Variants in GALNT13 observed in about 807,000 individuals in gnomAD.
GALNT13 encodes UDP-GalNAc:polypeptide N-acetylgalactosaminyltransferase 13.
Under a neutral mutation model 64.2 loss-of-function variants are expected in GALNT13, and 28 were observed. That is an observed-to-expected ratio of 0.44 (90% CI 0.32 to 0.60). The LOEUF is 0.60. Among genes scored for constraint, GALNT13 ranks in the 20% least tolerant of loss-of-function variants. GALNT13 has a pLI of 0.05. For missense variants in GALNT13, 577 were observed against 669.8 expected (o/e 0.86, Z 1.53); for synonymous variants, 214 against 224.6 (o/e 0.95, Z 0.42).
At chr2:154,172,577 A>G (rs1157573368) in intron 4 of GALNT13, among the ~76,000 whole-genome samples, 2 of 152,000 alleles carry the variant, frequency 1.3e-5, no homozygotes, top group Admixed American at 6.6e-5. Context: ...TTCATTTAAC[A>G]TGACGTCAAG....
chr2:153,436,943 G>C, the GALNT13 span, among the ~76,000 whole-genome samples: 1 of 152,130 alleles, frequency 6.6e-6, no homozygotes. Context: ...GATCTTTCCT[G>C]CTTTCTCTTG....
the GALNT13 span, among the ~76,000 whole-genome samples, chr2:153,858,769 G>C: frequency 6.6e-6 from 1 of 151,958 alleles, no homozygotes; most frequent in African/African-American, 2.4e-5. Flanking sequence ...GCCTCGCTTT[G>C]TTGCCCAGGC....
the GALNT13 span, among the ~76,000 whole-genome samples, chr2:153,223,895 G>A: frequency 6.6e-6 from 1 of 152,092 alleles, no homozygotes; most frequent in Non-Finnish European, 1.5e-5. Flanking sequence ...ACTTGAACCT[G>A]GGAGGCAGAG....
chr2:153,387,116 A>G, the GALNT13 span, among the ~76,000 whole-genome samples: 8 of 152,152 alleles, frequency 5.3e-5, no homozygotes, highest in Non-Finnish European at 1.2e-4. Flanking sequence ...GTAAAAACAC[A>G]TATTGGAAAG....
At chr2:154,409,470 G>A in intron 11 of GALNT13, 1 of 220,036 alleles carries the variant, frequency 4.5e-6, no homozygotes, top group Non-Finnish European at 9.0e-6. Context: ...TTTTATGTAT[G>A]TTATGATTTT....
At chr2:154,051,316 C>A (rs1699597066) in intron 3 of GALNT13, among the ~76,000 whole-genome samples, 1 of 133,270 alleles carries the variant, frequency 7.5e-6, no homozygotes, top group African/African-American at 2.8e-5. Flanking sequence ...CGGAGTCTCG[C>A]TCTGTCGCCC....
intron 8 of GALNT13, among the ~76,000 whole-genome samples, chr2:154,265,893 G>A (rs546982424): frequency 9.2e-5 from 14 of 152,130 alleles, no homozygotes; most frequent in South Asian, 2.1e-4. Flanking sequence ...AAGTTTCTCC[G>A]TATGTCAAAT....
At chr2:153,091,476 G>A in the GALNT13 span, among the ~76,000 whole-genome samples, 3 of 152,208 alleles carry the variant, frequency 2.0e-5, no homozygotes, top group South Asian at 4.1e-4. Context: ...TTTCTTGCCT[G>A]TTTCACAGAA....
chr2:154,363,833 C>G (rs775480624), intron 9 of GALNT13, among the ~76,000 whole-genome samples: 1 of 152,140 alleles, frequency 6.6e-6, no homozygotes, highest in Non-Finnish European at 1.5e-5. Context: ...TGCTTTATCC[C>G]ATCTACAAAA....
At chr2:154,373,786 C>T (rs1697828765) in intron 9 of GALNT13, among the ~76,000 whole-genome samples, 1 of 152,168 alleles carries the variant, frequency 6.6e-6, no homozygotes, top group African/African-American at 2.4e-5. Flanking sequence ...CTTGTAATAG[C>T]CACTTAACAG....
chr2:154,187,514 C>T (rs146577165), intron 4 of GALNT13, among the ~76,000 whole-genome samples: 2,245 of 151,812 alleles, frequency 0.015, 29 homozygotes, highest in Non-Finnish European at 0.024. Flanking sequence ...ATGATGGTTT[C>T]GAAAATTTCC....
intron 2 of GALNT13, among the ~76,000 whole-genome samples, chr2:153,901,574 AGTG>A (rs1419691975): frequency 6.6e-6 from 1 of 151,988 alleles, no homozygotes; most frequent in Non-Finnish European, 1.5e-5. Flanking sequence ...GGTTACTGTG[AGTG>A]GGATTGTGTT....
the GALNT13 span, among the ~76,000 whole-genome samples, chr2:153,405,055 T>C: frequency 6.6e-6 from 1 of 152,184 alleles, no homozygotes; most frequent in Admixed American, 6.5e-5. Flanking sequence ...TCCTTCCTTT[T>C]AAATGCTGTT....
At chr2:154,245,690 T>A (rs765951264) in intron 6 of GALNT13, 122 bp from the exon 7 acceptor site, 123 of 619,216 alleles carry the variant, frequency 2.0e-4, no homozygotes, top group African/African-American at 3.5e-4. Context: ...AAAATGAAGC[T>A]AAAGGCATAT....
the GALNT13 span, among the ~76,000 whole-genome samples, chr2:153,531,276 G>A: frequency 6.6e-6 from 1 of 152,186 alleles, no homozygotes; most frequent in Admixed American, 6.5e-5. Context: ...AGCTTCTGGG[G>A]AAGCCTCAGG....
chr2:153,606,699 A>G, the GALNT13 span, among the ~76,000 whole-genome samples: 1 of 152,006 alleles, frequency 6.6e-6, no homozygotes, highest in Non-Finnish European at 1.5e-5. Flanking sequence ...TTGAAAACTT[A>G]GAGTAGTGTG....
At chr2:153,813,199 T>G in the GALNT13 span, among the ~76,000 whole-genome samples, 1 of 152,120 alleles carries the variant, frequency 6.6e-6, no homozygotes, top group Non-Finnish European at 1.5e-5. Flanking sequence ...TACAAATGAG[T>G]AAGCTAATAT....
the GALNT13 span, among the ~76,000 whole-genome samples, chr2:153,681,118 G>T: frequency 6.6e-6 from 1 of 151,804 alleles, no homozygotes; most frequent in African/African-American, 2.4e-5. Context: ...AGCTAGAAAG[G>T]ATCCCCAATT....
the GALNT13 span, among the ~76,000 whole-genome samples, chr2:153,624,850 T>C: frequency 6.6e-6 from 1 of 151,710 alleles, no homozygotes; most frequent in East Asian, 1.9e-4. Flanking sequence ...GGCAAAACAT[T>C]TTGTAGTATT....
Sources: gnomAD v4.1 joint callset for allele counts (sites outside exome capture counted in the v4.1 genomes callset) on GRCh38, gnomAD v4.1.1 for gene constraint, MANE v1.5 for transcripts, NCBI Gene and HGNC (gene_info 2026-07-23, HGNC 2026-07-21) for gene names.